ARSJ: variants seen among roughly 807,000 people sequenced by gnomAD.
The protein encoded by ARSJ is arylsulfatase family member J, also known as arylsulfatase J.
ARSJ carries 26 observed loss-of-function variants against 35.9 expected under a neutral mutation model. The observed-to-expected ratio is 0.72, with a 90% CI of 0.53 to 1.00. ARSJ has a LOEUF of 1.00. ARSJ is among the 50% of genes least tolerant of loss of function. The pLI is 0.00. For missense variants in ARSJ, 667 were observed against 723.6 expected, an observed-to-expected ratio of 0.92 and a Z score of 0.90; for synonymous variants, 294 against 267.6, an observed-to-expected ratio of 1.10 and a Z score of -0.96.
intron 1 of ARSJ, among the ~76,000 whole-genome samples, chr4:113,947,625 G>A (rs909814048): frequency 3.3e-5 from 5 of 150,224 alleles, no homozygotes; most frequent in Non-Finnish European, 7.4e-5. Context: ...GAGGAAGGAA[G>A]GGAAAGGAAG....
intron 1 of ARSJ, among the ~76,000 whole-genome samples, chr4:113,929,483 G>C (rs941491196): frequency 3.3e-5 from 5 of 152,056 alleles, no homozygotes; most frequent in African/African-American, 1.2e-4. Flanking sequence ...GTCCCTTCTG[G>C]CAACAAAGGT....
intron 1 of ARSJ, among the ~76,000 whole-genome samples, chr4:113,905,117 T>A (rs1308048434): frequency 6.6e-6 from 1 of 152,218 alleles, no homozygotes; most frequent in Admixed American, 6.5e-5. Context: ...CACAAGTGTA[T>A]GAATTTTCAC....
intron 1 of ARSJ, among the ~76,000 whole-genome samples, chr4:113,964,368 C>T (rs1300759806): frequency 4.6e-5 from 7 of 152,034 alleles, no homozygotes; most frequent in Non-Finnish European, 1.5e-5. Context: ...TCTCCTAGTA[C>T]CTTTAATTTC....
Position 113,902,872 on chromosome 4 carries a change from T to C in ARSJ, c.1202A>G (p.Tyr401Cys). The C allele has an allele frequency of 1.9e-6, 3 of 1,614,204 alleles. No homozygotes were observed. The highest frequency in any genetic ancestry group is 1.1e-5 in the South Asian group (1 of 91,090). Residue 401 changes from tyrosine (Y) to cysteine (C), a missense_variant, in exon 2 of 2, where the codon TAT becomes TGT. By Grantham distance (194) the Tyr-to-Cys change is radical. Transcript: ENST00000315366. ...CTCACTTATGGTCTCCCAGATATCA[T>C]AGCCATCTAGTTGAATGTCCTCATC... ...QIDEDIQLDG[Y>C]DIWETISEGL... is the part of the protein sequence containing the mutation.
At chr4:113,954,516 G>A (rs1176559468) in intron 1 of ARSJ, among the ~76,000 whole-genome samples, 2 of 151,940 alleles carry the variant, frequency 1.3e-5, no homozygotes, top group South Asian at 2.1e-4. Context: ...CCTGTATTTC[G>A]AAAACTTGAA....
At chr4:113,941,300 G>GT (rs1341513226) in intron 1 of ARSJ, among the ~76,000 whole-genome samples, 2 of 152,030 alleles carry the variant, frequency 1.3e-5, no homozygotes, top group Non-Finnish European at 2.9e-5. Flanking sequence ...TCAAAGTGTA[G>GT]TTTTTTGGTA....
chr4:113,976,262 A>C (rs1727586033), intron 1 of ARSJ, among the ~76,000 whole-genome samples: 1 of 152,222 alleles, frequency 6.6e-6, no homozygotes, highest in Admixed American at 6.5e-5. Context: ...CACTTCACAT[A>C]ACCCATTTTA....
rs2099666929 is a variant in ARSJ, at chr4:113,901,179, T to A, written c.*1095A>T. The A allele has an allele frequency of 6.6e-6, 1 of 152,180 alleles. No individual in the cohort carries two copies. The highest frequency in any genetic ancestry group is 6.5e-5 in the Admixed American group (1 of 15,274). 9.4% of individuals were successfully genotyped at this position (152,180 alleles called of 1,614,324 possible). On this transcript the variant is annotated 3_prime_UTR_variant, in exon 2 of 2. Transcript: ENST00000315366. ...TTAGATCAGAAAAGCCACAGTAAAT[T>A]TTCTAGTGCCATAAAGTAAATCATT...
At chr4:113,965,609 A>G (rs1408508446) in intron 1 of ARSJ, among the ~76,000 whole-genome samples, 1 of 152,154 alleles carries the variant, frequency 6.6e-6, no homozygotes, top group African/African-American at 2.4e-5. Flanking sequence ...TAATTTTTAG[A>G]GATAGATGTA....
intron 1 of ARSJ, among the ~76,000 whole-genome samples, chr4:113,969,492 A>C (rs574698562): frequency 6.6e-6 from 1 of 152,296 alleles, no homozygotes; most frequent in Admixed American, 6.5e-5. Context: ...CATAACTATA[A>C]ATTTAAAATA....
intron 1 of ARSJ, among the ~76,000 whole-genome samples, chr4:113,912,181 C>T (rs541532806): frequency 1.3e-5 from 2 of 152,188 alleles, no homozygotes; most frequent in Admixed American, 1.3e-4. Context: ...ATGGAGAAGG[C>T]CATAGATGGA....
At chr4:113,950,027 T>C (rs536169364) in intron 1 of ARSJ, among the ~76,000 whole-genome samples, 2 of 152,150 alleles carry the variant, frequency 1.3e-5, no homozygotes, top group African/African-American at 2.4e-5. Context: ...GCAGACACTG[T>C]AGAAGCCCAG....
At chr4:113,974,148 C>A (rs990744024) in intron 1 of ARSJ, among the ~76,000 whole-genome samples, 1 of 151,950 alleles carries the variant, frequency 6.6e-6, no homozygotes, top group Non-Finnish European at 1.5e-5. Context: ...TCAGATGAAT[C>A]GTAATCTAAA....
chr4:113,943,508 T>G (rs949333480), intron 1 of ARSJ: 6 of 152,030 alleles, frequency 3.9e-5, no homozygotes, highest in Non-Finnish European at 7.4e-5. Context: ...TGCCAGGTAC[T>G]AGTATAGATG....
At chr4:113,904,537 C>T (rs112983185) in intron 1 of ARSJ, among the ~76,000 whole-genome samples, 8,621 of 152,176 alleles carry the variant, frequency 0.057, 325 homozygotes, top group East Asian at 0.11. Flanking sequence ...CAGGCTGGAG[C>T]GCAGTGGTGT....
chr4:113,919,553 A>G (rs1165413310), intron 1 of ARSJ, among the ~76,000 whole-genome samples: 1 of 152,188 alleles, frequency 6.6e-6, no homozygotes, highest in Non-Finnish European at 1.5e-5. Flanking sequence ...GTCAGACCAC[A>G]TGGCTTTCAG....
chr4:113,939,778 T>C (rs1341054297), intron 1 of ARSJ, among the ~76,000 whole-genome samples: 3 of 152,088 alleles, frequency 2.0e-5, no homozygotes, highest in Non-Finnish European at 2.9e-5. Context: ...TTGTTTTGTT[T>C]TGTTTTTTGT....
chr4:113,940,021 G>C (rs550764509), intron 1 of ARSJ, among the ~76,000 whole-genome samples: 1 of 152,068 alleles, frequency 6.6e-6, no homozygotes, highest in African/African-American at 2.4e-5. Context: ...GGAGAAATAA[G>C]AACACTTACA....
chr4:113,903,217 A>T lies in ARSJ; in HGVS notation c.857T>A (p.Ile286Asn). ...GRYFEHYRSI[I>N]NINRRRYAAM... The stretch of plus-strand genomic sequence containing the variant: ...AGCATATCTCCTCCTGTTTATGTTG[A>T]TAATGGATCGGTAGTGTTCGAAATA... The change falls in exon 2 of 2, where the codon ATC becomes AAC. Residue 286 changes from isoleucine (I) to asparagine (N), a missense_variant. Physicochemically the swap from Ile to Asn is moderately radical, Grantham distance 149. Transcript: ENST00000315366. 6.2e-7 allele frequency: 1 copy of T among 1,614,212 alleles called. No individual in the cohort carries two copies. The highest frequency in any genetic ancestry group is 8.5e-7 in the Non-Finnish European group (1 of 1,180,038).
Sources: allele counts gnomAD v4.1 joint callset (sites outside exome capture counted in the v4.1 genomes callset), GRCh38; gene constraint gnomAD v4.1.1; transcripts MANE v1.5; gene names NCBI Gene and HGNC (gene_info 2026-07-23, HGNC 2026-07-21).